KIF26B: variants seen among roughly 807,000 people sequenced by gnomAD.
The protein encoded by KIF26B is kinesin family member 26B.
In KIF26B, 63 loss-of-function variants were observed where a neutral mutation model predicts 151.2. That is an observed-to-expected ratio of 0.42 (90% CI 0.34 to 0.51). The LOEUF (loss-of-function observed/expected upper bound fraction) is 0.51. Among genes scored for constraint, KIF26B ranks in the 20% least tolerant of loss-of-function variants. The probability of loss-of-function intolerance (pLI) is 0.07; values close to 1 mark genes in which losing one functional copy is unlikely to be tolerated. For missense variants in KIF26B, 2,813 were observed against 2,913.6 expected (o/e 0.97, Z 0.79); for synonymous variants, 1,357 against 1,262.1 (o/e 1.08, Z -1.59).
chr1:245,354,500 G>A (rs1344460212), intron 2 of KIF26B, among the ~76,000 whole-genome samples: 1 of 152,216 alleles, frequency 6.6e-6, no homozygotes, highest in African/African-American at 2.4e-5. Context: ...AACAGCTGGT[G>A]ACACTGTCAG....
intron 4 of KIF26B, among the ~76,000 whole-genome samples, chr1:245,521,289 A>G (rs559607494): frequency 6.6e-6 from 1 of 151,676 alleles, no homozygotes; most frequent in South Asian, 2.1e-4. Context: ...GTGAGCCGAG[A>G]TCGCACCACT....
chr1:245,258,185 G>A (rs935451071), intron 2 of KIF26B, among the ~76,000 whole-genome samples: 13 of 152,136 alleles, frequency 8.5e-5, no homozygotes, highest in African/African-American at 2.4e-4. Context: ...CCTCCTCCTC[G>A]TCACCACCTA....
chr1:245,248,413 A>G (rs1240259148), intron 2 of KIF26B, among the ~76,000 whole-genome samples: 3 of 152,188 alleles, frequency 2.0e-5, no homozygotes, highest in Non-Finnish European at 4.4e-5. Context: ...CTGCTTCCGT[A>G]ACTGTCCTAG....
chr1:245,240,494 C>T lies in KIF26B; in HGVS notation c.465+83811C>T, dbSNP rs189572538. ...TCGTTTAGAGGAAGCTGCATATACA[C>T]ATACATGTACAGACATACGAGTGTG... On this transcript the variant is annotated intron_variant, in intron 2 of 14. Coordinates refer to ENST00000407071, the MANE Select transcript of KIF26B (RefSeq NM_018012.4). Among the ~76,000 whole-genome samples the T allele has an allele frequency of 3.1e-3, 470 of 152,280 alleles. 2 individuals are homozygous for T. Among genetic ancestry groups the T allele is most frequent in the African/African-American group, 0.011 (450 of 41,570 alleles).
intron 2 of KIF26B, among the ~76,000 whole-genome samples, chr1:245,324,501 T>C (rs925439524): frequency 6.6e-6 from 1 of 152,162 alleles, no homozygotes; most frequent in Non-Finnish European, 1.5e-5. Flanking sequence ...CAGAGAACAT[T>C]TTCTGTACTG....
At chr1:245,671,925 T>G (rs1185795428) in intron 10 of KIF26B, among the ~76,000 whole-genome samples, 1 of 152,188 alleles carries the variant, frequency 6.6e-6, no homozygotes, top group Non-Finnish European at 1.5e-5. Context: ...GCCCCGAGCC[T>G]GCAGAGCGGG....
chr1:245,529,226 T>C (rs1235018651), intron 4 of KIF26B, among the ~76,000 whole-genome samples: 1 of 152,148 alleles, frequency 6.6e-6, no homozygotes, highest in Non-Finnish European at 1.5e-5. Context: ...AGCGGGGTAC[T>C]GAGCAGCTGC....
intron 2 of KIF26B, among the ~76,000 whole-genome samples, chr1:245,356,096 A>C (rs1672689767): frequency 6.6e-6 from 1 of 151,460 alleles, no homozygotes; most frequent in Non-Finnish European, 1.5e-5. Flanking sequence ...TTCCCAAGTG[A>C]CTCTGCGCAG....
At chr1:245,592,035 C>A (rs1231924575) in intron 5 of KIF26B, among the ~76,000 whole-genome samples, 2 of 152,230 alleles carry the variant, frequency 1.3e-5, no homozygotes, top group African/African-American at 4.8e-5. Context: ...GAATTTCCTT[C>A]CCCCTCCGCT....
In KIF26B at chr1:245,156,425, G is replaced by A. The variant is rs1397319080; in HGVS notation, c.207G>A (p.Pro69=). The A allele has an allele frequency of 3.9e-6, 6 of 1,529,174 alleles. No homozygotes were observed. Among genetic ancestry groups the A allele is most frequent in the Non-Finnish European group, 5.3e-6 (6 of 1,140,890 alleles). 94.7% of individuals were successfully genotyped at this position (1,529,174 alleles called of 1,614,324 possible). A position where few individuals can be genotyped will look rare whatever the true frequency, so the allele number is the denominator to read the frequency against. ...CAGCGCTCGGCTCCTCGGGGACCCC[G>A]TCTCCCGGCTCGGGCACCTCGTCCC... ...AGSALGSSGT[P]SPGSGTSSPS... Residue 69 remains proline (P), a synonymous_variant, in exon 2 of 15, where the codon CCG becomes CCA. Coordinates refer to ENST00000407071, the MANE Select transcript of KIF26B (RefSeq NM_018012.4).
At chr1:245,617,992 A>G (rs1450553193) in intron 9 of KIF26B, among the ~76,000 whole-genome samples, 1 of 151,436 alleles carries the variant, frequency 6.6e-6, no homozygotes, top group Non-Finnish European at 1.5e-5. Flanking sequence ...ACCAATTGGG[A>G]CCCCCTCAGT....
intron 2 of KIF26B, among the ~76,000 whole-genome samples, chr1:245,164,246 A>C (rs982329644): frequency 1.3e-5 from 2 of 152,192 alleles, no homozygotes; most frequent in African/African-American, 4.8e-5. Context: ...ATTGTGAGTT[A>C]TTATTATTGA....
intron 2 of KIF26B, among the ~76,000 whole-genome samples, chr1:245,364,065 A>G (rs1161420935): frequency 2.0e-5 from 3 of 152,188 alleles, no homozygotes; most frequent in African/African-American, 7.2e-5. Flanking sequence ...TAGGTAGTAC[A>G]GGAACCAAGA....
intron 3 of KIF26B, among the ~76,000 whole-genome samples, chr1:245,392,735 C>T (rs1359684115): frequency 1.3e-5 from 2 of 152,198 alleles, no homozygotes; most frequent in Admixed American, 6.5e-5. Context: ...TGTGCTGGCA[C>T]TTGGCAGTCC....
At chr1:245,620,670 G>A (rs936781501) in intron 9 of KIF26B, among the ~76,000 whole-genome samples, 1 of 152,152 alleles carries the variant, frequency 6.6e-6, no homozygotes, top group African/African-American at 2.4e-5. Context: ...CCAAAGTGCT[G>A]GGATTACAGG....
At position 245,244,756 on chromosome 1, in the gene KIF26B, T is replaced by TCACACTCA. The variant is rs1553338156; in HGVS notation, c.465+88078_465+88079insTCACACAC. ...AGAAGGAACACACAGACACGCACAC[T>TCACACTCA]CACACACACACACACACACACACAC... is the stretch of plus-strand genomic sequence containing the variant. On this transcript the variant is annotated intron_variant, in intron 2 of 14. Transcript: ENST00000407071. This position sits in a 1 kb window ranked among gnomAD's most constrained non-coding sequence, Gnocchi z 4.2. 5.3e-4 allele frequency among the ~76,000 whole-genome samples: 76 copies of TCACACTCA among 144,462 alleles called. 1 individual carries two copies. The highest frequency in any genetic ancestry group is 3.4e-3 in the Middle Eastern group (1 of 290). The allele number at this position is 144,462 out of a possible 152,430, so 94.8% of individuals were successfully genotyped here.
chr1:245,159,880 G>GAA (rs1241344660), intron 2 of KIF26B, among the ~76,000 whole-genome samples: 1 of 152,176 alleles, frequency 6.6e-6, no homozygotes, highest in Non-Finnish European at 1.5e-5. Flanking sequence ...CTTCATGGTA[G>GAA]AAAATGACAT....
At chr1:245,689,703 G>A (rs571578413) in intron 12 of KIF26B, among the ~76,000 whole-genome samples, 9 of 152,070 alleles carry the variant, frequency 5.9e-5, no homozygotes, top group African/African-American at 1.2e-4. Context: ...GATTACAAGC[G>A]TGCACCACCG....
At chr1:245,701,872 C>T (rs1473362282) in intron 14 of KIF26B, among the ~76,000 whole-genome samples, 2 of 152,182 alleles carry the variant, frequency 1.3e-5, no homozygotes, top group African/African-American at 4.8e-5. Flanking sequence ...GGCAGCCCAT[C>T]CCTCTGCCCG....
Sources: allele counts gnomAD v4.1 joint callset (sites outside exome capture counted in the v4.1 genomes callset), GRCh38; gene constraint gnomAD v4.1.1; non-coding constraint Gnocchi (gnomAD v3.1); transcripts MANE v1.5; gene names NCBI Gene and HGNC (gene_info 2026-07-23, HGNC 2026-07-21).